Variants in DNAJC11 observed in about 807,000 individuals in gnomAD.
The protein encoded by DNAJC11 is DnaJ heat shock protein family (Hsp40) member C11, also known as dnaJ homolog subfamily C member 11.
Under a neutral mutation model 78.6 loss-of-function variants are expected in DNAJC11, and 15 were observed. The ratio of observed to expected loss-of-function variants is 0.19; its 90% CI spans 0.13 to 0.29. The LOEUF is 0.29. Among genes scored for constraint, DNAJC11 ranks in the 10% least tolerant of loss-of-function variants. The probability of loss-of-function intolerance (pLI) is 1.00; values close to 1 mark genes in which losing one functional copy is unlikely to be tolerated. For synonymous variants in DNAJC11, 292 were observed against 272.1 expected (o/e 1.07, Z -0.72); for missense variants, 547 against 709.6 (o/e 0.77, Z 2.60).
chr1:6,638,330 C>G lies in DNAJC11; in HGVS notation c.1288G>C (p.Asp430His), dbSNP rs41278034. The change falls in exon 12 of 16, where the codon GAT (aspartate) becomes CAT (histidine). Residue 430 changes from aspartate to histidine, a missense_variant. Asp to His is a moderately conservative substitution (Grantham distance 81, BLOSUM62 -1). Coordinates refer to ENST00000377577, the MANE Select transcript of DNAJC11 (RefSeq NM_018198.4). ...GCCTCTTGCTTCTTCTGCAGCACATCGGTGGCGGCGCTTTCCCTCTGCTTC... is the reference window on the plus strand; with the variant it reads ...GCCTCTTGCTTCTTCTGCAGCACATGGGTGGCGGCGCTTTCCCTCTGCTTC... ...LEKQRESAAT[D>H]VLQKKQEAES... 9 of 1,613,576 alleles carry G rather than the reference C, an allele frequency of 5.6e-6. No homozygotes were observed. The highest frequency in any genetic ancestry group is 7.6e-6 in the Non-Finnish European group (9 of 1,179,698).
intron 1 of DNAJC11, among the ~76,000 whole-genome samples, chr1:6,682,125 G>A (rs567654361): frequency 2.3e-5 from 3 of 128,882 alleles, no homozygotes; most frequent in East Asian, 4.3e-4. Flanking sequence ...CAAAGAAAGA[G>A]GTCACAGAGA....
At chr1:6,663,361 A>G (rs571200711) in intron 4 of DNAJC11, among the ~76,000 whole-genome samples, 10 of 152,326 alleles carry the variant, frequency 6.6e-5, no homozygotes, top group African/African-American at 2.2e-4. Flanking sequence ...ATCACGAAGG[A>G]GGCAGCAATG....
Position 6,645,926 on chromosome 1 carries a change from C to T in DNAJC11, c.757G>A (p.Gly253Ser), listed in dbSNP as rs140778277. Reference protein sequence around the residue: ...LQFSSRGIRPGLTTVLARNLD... With the variant: ...LQFSSRGIRPSLTTVLARNLD... ...TTCCGAGCTAGGACAGTGGTCAGGC[C>T]GGGTCGGATTCCACGGGATGAAAAC... The change falls in exon 8 of 16, where the codon GGC (glycine) becomes AGC (serine). Residue 253 changes from glycine (G) to serine (S), a missense_variant. Coordinates refer to ENST00000377577, the MANE Select transcript of DNAJC11 (RefSeq NM_018198.4). The surrounding 1 kb of genome is among the most constrained non-coding windows in gnomAD (Gnocchi z 4.1). The T allele has an allele frequency of 9.7e-5, 157 of 1,613,988 alleles. No individual in the cohort carries two copies. The highest frequency in any genetic ancestry group is 5.9e-4 in the African/African-American group (44 of 74,894).
intron 1 of DNAJC11, among the ~76,000 whole-genome samples, chr1:6,698,379 T>C (rs1642872821): frequency 1.3e-5 from 2 of 152,206 alleles, no homozygotes; most frequent in South Asian, 4.1e-4. Context: ...ATCACGTTAT[T>C]TCAACTTCAC....
At chr1:6,682,138 T>C (rs1345703729) in intron 1 of DNAJC11, among the ~76,000 whole-genome samples, 1 of 104,238 alleles carries the variant, frequency 9.6e-6, no homozygotes, top group African/African-American at 3.9e-5. Flanking sequence ...CACAGAGACA[T>C]AAGTTAGTCC....
Position 6,634,316 on chromosome 1 carries a change from G to A in DNAJC11, c.*1359C>T. ...CTCATGCAACACGACGCTCACCGCG[G>A]CTCGGGCCGTGGGGCCGTCAGAGAA... On this transcript the variant is annotated 3_prime_UTR_variant, in exon 16 of 16. Transcript: ENST00000377577. 1.0e-6 allele frequency: 1 copy of A among 998,926 alleles called. No individual in the cohort carries two copies. Among genetic ancestry groups the A allele is most frequent in the Non-Finnish European group, 1.4e-6 (1 of 704,876 alleles). The allele number at this position is 998,926 out of a possible 1,614,324, so 61.9% of individuals were successfully genotyped here.
In DNAJC11 at chr1:6,672,956, G is replaced by GCGGC. The variant is rs540526423; in HGVS notation, c.277-5150_277-5147dup. Among the ~76,000 whole-genome samples, 393 of 152,156 alleles carry GCGGC rather than the reference G, an allele frequency of 2.6e-3. 2 individuals are homozygous for GCGGC. Among genetic ancestry groups the GCGGC allele is most frequent in the African/African-American group, 9.0e-3 (373 of 41,516 alleles). Reference sequence around the variant, plus strand: ...CTATGCTAACCAGAAAACTGACTGAGCGGCCAGGTGCAGGGGCTCACCTGA... The same window carrying GCGGC: ...CTATGCTAACCAGAAAACTGACTGAGCGGCCGGCCAGGTGCAGGGGCTCACCTGA... On this transcript the variant is annotated intron_variant, in intron 3 of 15. Coordinates refer to ENST00000377577, the MANE Select transcript of DNAJC11 (RefSeq NM_018198.4).
At chr1:6,657,636 C>A (rs1253244717) in intron 4 of DNAJC11, among the ~76,000 whole-genome samples, 1 of 152,186 alleles carries the variant, frequency 6.6e-6, no homozygotes, top group African/African-American at 2.4e-5. Flanking sequence ...TAGATACATG[C>A]CCCAAATAAT....
intron 1 of DNAJC11, among the ~76,000 whole-genome samples, chr1:6,699,664 T>A (rs1481309328): frequency 2.0e-5 from 3 of 152,174 alleles, no homozygotes; most frequent in African/African-American, 7.2e-5. Context: ...GATGATGGGT[T>A]GATGGGTGCA....
chr1:6,697,890 C>T (rs995330204), intron 1 of DNAJC11, among the ~76,000 whole-genome samples: 8 of 151,942 alleles, frequency 5.3e-5, no homozygotes, highest in Non-Finnish European at 1.2e-4. Context: ...CTGCAAGCTC[C>T]GCCTCCTGGG....
chr1:6,677,115 G>A (rs996734622), intron 3 of DNAJC11, among the ~76,000 whole-genome samples: 2 of 136,202 alleles, frequency 1.5e-5, no homozygotes, highest in Non-Finnish European at 3.0e-5. Context: ...CCAAGATTGC[G>A]CCACTGCACT....
chr1:6,648,421 G>A (rs1013850850), intron 7 of DNAJC11, among the ~76,000 whole-genome samples: 1 of 152,162 alleles, frequency 6.6e-6, no homozygotes, highest in African/African-American at 2.4e-5. Context: ...CTCCCAAAGT[G>A]TTGGGATTAC....
chr1:6,698,047 C>T (rs1287943239), intron 1 of DNAJC11, among the ~76,000 whole-genome samples: 12 of 152,178 alleles, frequency 7.9e-5, no homozygotes, highest in Non-Finnish European at 1.8e-4. Context: ...GTCTTGGCCT[C>T]CCAAAGTGCT....
intron 4 of DNAJC11, 70 bp downstream of exon 4, chr1:6,667,639 T>C: frequency 7.7e-7 from 1 of 1,304,254 alleles, no homozygotes; most frequent in Non-Finnish European, 1.1e-6. Context: ...CACCTCATTA[T>C]TTCAGACCTG....
intron 1 of DNAJC11, among the ~76,000 whole-genome samples, chr1:6,692,606 G>A (rs1642762883): frequency 9.3e-6 from 1 of 107,362 alleles, no homozygotes. Context: ...AAATGCTTCA[G>A]GAATTTTTTT....
Position 6,634,306 on chromosome 1 carries a change from G to A in DNAJC11, c.*1369C>T, listed in dbSNP as rs935955156. The A allele has an allele frequency of 2.1e-6, 2 of 939,252 alleles. No homozygotes were observed. The highest frequency in any genetic ancestry group is 1.7e-5 in the African/African-American group (1 of 60,366). The allele number at this position is 939,252 out of a possible 1,614,324, so 58.2% of individuals were successfully genotyped here. A position where few individuals can be genotyped will look rare whatever the true frequency, so the allele number is the denominator to read the frequency against. On this transcript the variant is annotated 3_prime_UTR_variant, in exon 16 of 16. Transcript: ENST00000377577. ...GGGGCCCAGGCTCATGCAACACGACGCTCACCGCGGCTCGGGCCGTGGGGC... is the reference window on the plus strand; with the variant it reads ...GGGGCCCAGGCTCATGCAACACGACACTCACCGCGGCTCGGGCCGTGGGGC...
intron 10 of DNAJC11, among the ~76,000 whole-genome samples, chr1:6,641,377 C>CAAA: frequency 9.4e-6 from 1 of 106,720 alleles, no homozygotes; most frequent in Non-Finnish European, 1.8e-5. Context: ...ACTCCGTCTC[C>CAAA]AAAAAAAAAA....
chr1:6,641,283 G>C (rs1476501007), intron 10 of DNAJC11, among the ~76,000 whole-genome samples: 1 of 151,608 alleles, frequency 6.6e-6, no homozygotes, highest in Non-Finnish European at 1.5e-5. Flanking sequence ...CTACTCAGGA[G>C]GCTGAGGTAG....
chr1:6,695,627 T>TGAAAAAA (rs1642822095), intron 1 of DNAJC11, among the ~76,000 whole-genome samples: 1 of 83,004 alleles, frequency 1.2e-5, no homozygotes, highest in Non-Finnish European at 2.3e-5. Context: ...CTATCTCTAC[T>TGAAAAAA]AAAAAAAAAA....
Sources: gnomAD v4.1 joint callset for allele counts (sites outside exome capture counted in the v4.1 genomes callset) on GRCh38, gnomAD v4.1.1 for gene constraint, Gnocchi (gnomAD v3.1) non-coding constraint, MANE v1.5 for transcripts, NCBI Gene and HGNC (gene_info 2026-07-23, HGNC 2026-07-21) for gene names.